The following EPB41L4A variants were observed in gnomAD, a reference collection of about 807,000 sequenced individuals.
EPB41L4A encodes the protein band 4.1-like protein 4A.
In EPB41L4A, 100 loss-of-function variants were observed where a neutral mutation model predicts 108.6. The ratio of observed to expected loss-of-function variants is 0.92; its 90% CI spans 0.78 to 1.09. The LOEUF is 1.09. EPB41L4A is among the 50% of genes least tolerant of loss of function. EPB41L4A has a pLI of 0.00. For missense variants in EPB41L4A, 1,030 were observed against 842.7 expected, an observed-to-expected ratio of 1.22 and a Z score of -2.75; for synonymous variants, 319 against 289.0, an observed-to-expected ratio of 1.10 and a Z score of -1.05.
intron 12 of EPB41L4A, among the ~76,000 whole-genome samples, chr5:112,230,918 G>A (rs1748870739): frequency 6.6e-6 from 1 of 152,066 alleles, no homozygotes; most frequent in South Asian, 2.1e-4. Context: ...GTGAGACTCT[G>A]TCTCAAGAAA....
chr5:112,179,682 A>G (rs891927996), intron 18 of EPB41L4A, among the ~76,000 whole-genome samples: 3 of 152,174 alleles, frequency 2.0e-5, no homozygotes, highest in Admixed American at 1.3e-4. Context: ...GGATCTTCCT[A>G]AATTGTGCAG....
At chr5:112,410,118 T>C (rs2112805492) in intron 1 of EPB41L4A, among the ~76,000 whole-genome samples, 1 of 152,194 alleles carries the variant, frequency 6.6e-6, no homozygotes, top group South Asian at 2.1e-4. Context: ...AGCTGATACA[T>C]CACTCAAACA....
chr5:112,225,567 A>G (rs1748391620), intron 12 of EPB41L4A, among the ~76,000 whole-genome samples: 1 of 152,182 alleles, frequency 6.6e-6, no homozygotes, highest in South Asian at 2.1e-4. Context: ...AATGAAAATA[A>G]ATCTCTCTCC....
At chr5:112,384,050 C>T (rs1025627621) in intron 1 of EPB41L4A, among the ~76,000 whole-genome samples, 10 of 152,074 alleles carry the variant, frequency 6.6e-5, no homozygotes, top group African/African-American at 2.4e-4. Flanking sequence ...ATATGAAGTG[C>T]CCAGAAAATG....
At chr5:112,345,806 C>CACACAG (rs1757621526) in intron 1 of EPB41L4A, among the ~76,000 whole-genome samples, 1 of 151,402 alleles carries the variant, frequency 6.6e-6, no homozygotes, top group Admixed American at 6.6e-5. Flanking sequence ...CACACACACA[C>CACACAG]ACACACACAC....
intron 6 of EPB41L4A, among the ~76,000 whole-genome samples, chr5:112,263,144 T>C (rs556962411): frequency 2.6e-5 from 4 of 152,302 alleles, no homozygotes; most frequent in East Asian, 1.9e-4. Context: ...AAAATCTTCA[T>C]TGGTGGTAAT....
intron 18 of EPB41L4A, among the ~76,000 whole-genome samples, chr5:112,171,855 GA>G (rs1386952268): frequency 1.3e-5 from 2 of 152,146 alleles, no homozygotes; most frequent in Non-Finnish European, 2.9e-5. Context: ...CCAAAAGAAA[GA>G]ACAAATAATT....
At chr5:112,314,679 G>A (rs1208069840) in intron 1 of EPB41L4A, among the ~76,000 whole-genome samples, 5 of 152,006 alleles carry the variant, frequency 3.3e-5, no homozygotes, top group South Asian at 2.1e-4. Flanking sequence ...ATAGTGGCAC[G>A]CGCCTGGGGA....
At chr5:112,369,124 G>C (rs1759322891) in intron 1 of EPB41L4A, among the ~76,000 whole-genome samples, 2 of 152,248 alleles carry the variant, frequency 1.3e-5, no homozygotes, top group East Asian at 3.9e-4. Flanking sequence ...GCCACCACAA[G>C]TCTCTTGAGC....
At chr5:112,264,810 T>C in intron 6 of EPB41L4A, 86 bp downstream of exon 6, 1 of 1,350,020 alleles carries the variant, frequency 7.4e-7, no homozygotes, top group Non-Finnish European at 1.0e-6. Flanking sequence ...AGGTGAAGAA[T>C]TTATCATTCT....
intron 12 of EPB41L4A, among the ~76,000 whole-genome samples, chr5:112,233,303 C>A (rs1749091243): frequency 6.6e-6 from 1 of 152,158 alleles, no homozygotes; most frequent in African/African-American, 2.4e-5. Context: ...CAAAGTCAAA[C>A]AGAAGTTTCC....
intron 4 of EPB41L4A, among the ~76,000 whole-genome samples, chr5:112,273,747 CT>C (rs1342659573): frequency 6.6e-6 from 1 of 152,106 alleles, no homozygotes; most frequent in East Asian, 1.9e-4. Context: ...TTAAAAAATG[CT>C]GTCCCCTTGC....
intron 1 of EPB41L4A, among the ~76,000 whole-genome samples, chr5:112,399,884 T>C (rs1370907894): frequency 6.6e-6 from 1 of 152,188 alleles, no homozygotes; most frequent in Non-Finnish European, 1.5e-5. Context: ...CAAAGTCAAA[T>C]TCAAGACACT....
At chr5:112,410,879 T>A (rs921304569) in intron 1 of EPB41L4A, among the ~76,000 whole-genome samples, 3 of 152,084 alleles carry the variant, frequency 2.0e-5, no homozygotes, top group African/African-American at 7.2e-5. Context: ...CCTCTTCATC[T>A]CTAGAATTTG....
At chr5:112,333,906 G>A (rs745794255) in intron 1 of EPB41L4A, among the ~76,000 whole-genome samples, 4 of 152,146 alleles carry the variant, frequency 2.6e-5, no homozygotes, top group Non-Finnish European at 5.9e-5. Context: ...CTAAAGGACT[G>A]CAGTATACTA....
chr5:112,292,872 A>G (rs1387973505), intron 2 of EPB41L4A, among the ~76,000 whole-genome samples: 1 of 152,204 alleles, frequency 6.6e-6, no homozygotes, highest in Non-Finnish European at 1.5e-5. Context: ...TAGGCAATCA[A>G]TCAACTGTCT....
At chr5:112,337,147 A>G (rs777707997) in intron 1 of EPB41L4A, among the ~76,000 whole-genome samples, 4 of 152,194 alleles carry the variant, frequency 2.6e-5, no homozygotes, top group Non-Finnish European at 5.9e-5. Flanking sequence ...ATGCATGTGT[A>G]CTGGGGCTCT....
chr5:112,384,531 C>T (rs1347737522), intron 1 of EPB41L4A, among the ~76,000 whole-genome samples: 1 of 151,972 alleles, frequency 6.6e-6, no homozygotes, highest in African/African-American at 2.4e-5. Flanking sequence ...AGCCTGAGAA[C>T]TTTCTGCCGC....
At chr5:112,183,770 T>C (rs548425591) in intron 18 of EPB41L4A, among the ~76,000 whole-genome samples, 5 of 152,362 alleles carry the variant, frequency 3.3e-5, no homozygotes, top group Admixed American at 6.5e-5. Context: ...ATACTTTGGT[T>C]AAAAACAACA....
Sources: gnomAD v4.1 joint callset for allele counts (sites outside exome capture counted in the v4.1 genomes callset) on GRCh38, gnomAD v4.1.1 for gene constraint, MANE v1.5 for transcripts, NCBI Gene and HGNC (gene_info 2026-07-23, HGNC 2026-07-21) for gene names.